The following RBFOX3 variants were observed in gnomAD, a reference collection of about 807,000 sequenced individuals.
RBFOX3 encodes the protein RNA binding fox-1 homolog 3, also known as RNA binding protein fox-1 homolog 3.
RBFOX3 carries 17 observed loss-of-function variants against 48.7 expected under a neutral mutation model. That is an observed-to-expected ratio of 0.35 (90% confidence interval 0.24 to 0.52). RBFOX3 has a LOEUF of 0.52. Among genes scored for constraint, RBFOX3 ranks in the 20% least tolerant of loss-of-function variants. RBFOX3 has a pLI of 0.94. For synonymous variants in RBFOX3, 212 were observed against 209.5 expected, an observed-to-expected ratio of 1.01 and a Z score of -0.10; for missense variants, 382 against 497.5, an observed-to-expected ratio of 0.77 and a Z score of 2.21.
intron 4 of RBFOX3, among the ~76,000 whole-genome samples, chr17:79,228,931 C>G (rs772323524): frequency 2.0e-5 from 3 of 152,094 alleles, no homozygotes; most frequent in Non-Finnish European, 2.9e-5. Flanking sequence ...AATGTTCTCT[C>G]AAAGGACAGG....
At chr17:79,505,999 C>T (rs814739) in intron 1 of RBFOX3, among the ~76,000 whole-genome samples, 111,096 of 152,144 alleles carry the variant, frequency 0.73, 40,703 homozygotes, top group Middle Eastern at 0.79. Flanking sequence ...CAAGCCTGGA[C>T]GCCTCCCCCT....
At chr17:79,431,956 A>G (rs923516019) in intron 2 of RBFOX3, among the ~76,000 whole-genome samples, 2 of 152,112 alleles carry the variant, frequency 1.3e-5, no homozygotes, top group Admixed American at 6.5e-5. Context: ...TAACTCCCCA[A>G]TCATTCTCTC....
chr17:79,117,358 G>A (rs975408920), intron 4 of RBFOX3, among the ~76,000 whole-genome samples: 5 of 152,164 alleles, frequency 3.3e-5, no homozygotes, highest in African/African-American at 7.2e-5. Context: ...GAGGAGGAGC[G>A]CCCAGCAGGG....
chr17:79,224,786 C>T (rs1461984585), intron 4 of RBFOX3, among the ~76,000 whole-genome samples: 1 of 152,206 alleles, frequency 6.6e-6, no homozygotes, highest in Admixed American at 6.5e-5. Context: ...TGATCAGTGA[C>T]AGCCCCTGAG....
chr17:79,407,160 G>A (rs1019137496), intron 2 of RBFOX3, among the ~76,000 whole-genome samples: 3 of 152,146 alleles, frequency 2.0e-5, no homozygotes, highest in African/African-American at 7.2e-5. Context: ...GGCACCCGCC[G>A]CCATGCCCGG....
At chr17:79,393,165 A>AT (rs2148237842) in intron 2 of RBFOX3, among the ~76,000 whole-genome samples, 1 of 152,300 alleles carries the variant, frequency 6.6e-6, no homozygotes, top group South Asian at 2.1e-4. Flanking sequence ...GTGCAAAGGC[A>AT]TTTTTTCTCA....
chr17:79,603,925 TCCGGCCTCAGGCTGTC>T (rs1418249147), intron 1 of RBFOX3: 2 of 152,308 alleles, frequency 1.3e-5, no homozygotes, highest in African/African-American at 4.8e-5. Context: ...AGAGGTCAGC[TCCGGCCTCAGGCTGTC>T]CCTGCACAGA....
At chr17:79,456,746 A>T (rs1360620654) in intron 2 of RBFOX3, among the ~76,000 whole-genome samples, 1 of 151,834 alleles carries the variant, frequency 6.6e-6, no homozygotes, top group Non-Finnish European at 1.5e-5. Flanking sequence ...GGCCCTTCAG[A>T]GCCTGCCTCT....
the RBFOX3 span, among the ~76,000 whole-genome samples, chr17:79,620,047 G>C: frequency 8.2e-6 from 1 of 121,744 alleles, no homozygotes; most frequent in African/African-American, 3.2e-5. Flanking sequence ...ATGCACACAC[G>C]CACATGCACA....
At chr17:79,580,834 G>T (rs1396772004) in intron 1 of RBFOX3, among the ~76,000 whole-genome samples, 1 of 152,164 alleles carries the variant, frequency 6.6e-6, no homozygotes, top group African/African-American at 2.4e-5. Flanking sequence ...TTGGTCATTG[G>T]CCAAAGAAAG....
rs1044109025 is a variant in RBFOX3 at position 79,110,943 on chromosome 17, C to T, written c.223-4155G>A. On this transcript the variant is annotated intron_variant, in intron 5 of 14. Coordinates refer to ENST00000693108, the MANE Select transcript of RBFOX3 (RefSeq NM_001350451.2). Reference sequence around the variant, plus strand: ...CCCTTCTCAGGCCAGTGGCCAGCCACGGCCTACCCCTCACCCCTTCCATAA... The same window carrying T: ...CCCTTCTCAGGCCAGTGGCCAGCCATGGCCTACCCCTCACCCCTTCCATAA... Among the ~76,000 whole-genome samples the T allele has an allele frequency of 5.3e-5, 8 of 152,116 alleles. No individual in the cohort carries two copies. The South Asian group carries it at 1.0e-3, about 20-fold the overall frequency.
rs189521034 is a variant in RBFOX3, at chr17:79,418,459, C to T, written c.-175+63995G>A. ...ATAAAGAAGGATTCACACCGTGCCA[C>T]GCGAGAAAGCCGTGTGTGTCAGCCA... On this transcript the variant is annotated intron_variant, in intron 2 of 14. Coordinates refer to ENST00000693108, the MANE Select transcript of RBFOX3 (RefSeq NM_001350451.2). This position sits in a 1 kb window ranked among gnomAD's most constrained non-coding sequence, Gnocchi z 5.0. Among the ~76,000 whole-genome samples the T allele has an allele frequency of 1.3e-5, 2 of 152,336 alleles. No individual in the cohort carries two copies. The highest frequency in any genetic ancestry group is 3.9e-4 in the East Asian group (2 of 5,184).
chr17:79,620,145 A>G, the RBFOX3 span, among the ~76,000 whole-genome samples: 5 of 132,578 alleles, frequency 3.8e-5, no homozygotes, highest in Admixed American at 7.7e-5. Context: ...ACACGCGCAC[A>G]CACATGCACG....
At chr17:79,207,197 G>A (rs1202318869) in intron 4 of RBFOX3, among the ~76,000 whole-genome samples, 1 of 152,260 alleles carries the variant, frequency 6.6e-6, no homozygotes, top group Non-Finnish European at 1.5e-5. Context: ...TCAGAAAACA[G>A]AGGAAAGTAT....
At chr17:79,612,479 C>G (rs1214931823), upstream of RBFOX3, among the ~76,000 whole-genome samples, 4 of 152,096 alleles carry the variant, frequency 2.6e-5, no homozygotes, top group African/African-American at 2.4e-5. Flanking sequence ...TGGCTGCCCC[C>G]CCTGCAGGGC....
In RBFOX3 at chr17:79,249,578, C is replaced by T. The variant is rs9916701; in HGVS notation, c.-73-13773G>A. 6.6e-6 allele frequency among the ~76,000 whole-genome samples: 1 copy of T among 151,964 alleles called. No individual in the cohort carries two copies. Among genetic ancestry groups the T allele is most frequent in the Non-Finnish European group, 1.5e-5 (1 of 68,002 alleles). ...GTCCCATGCTCCCGGAGACTGTTTACCTGTCCTAATCACCCCAGAGCCAGG... is the reference window on the plus strand; with the variant it reads ...GTCCCATGCTCCCGGAGACTGTTTATCTGTCCTAATCACCCCAGAGCCAGG... On this transcript the variant is annotated intron_variant, in intron 3 of 14. Coordinates refer to ENST00000693108, the MANE Select transcript of RBFOX3 (RefSeq NM_001350451.2). The surrounding 1 kb of genome is among the most constrained non-coding windows in gnomAD (Gnocchi z 4.1).
In RBFOX3 at chr17:79,364,080, C is replaced by A. The variant is rs745720453; in HGVS notation, c.-174-56256G>T. On this transcript the variant is annotated intron_variant, in intron 2 of 14. Coordinates refer to ENST00000693108, the MANE Select transcript of RBFOX3 (RefSeq NM_001350451.2). The surrounding 1 kb of genome is among the most constrained non-coding windows in gnomAD (Gnocchi z 5.1). ...CCTACAGGAAACAGCCACCAGCCAC[C>A]CACCCCATGGATTTTCGGGACAGCA... 2.4e-4 allele frequency among the ~76,000 whole-genome samples: 36 copies of A among 152,202 alleles called. No individual in the cohort carries two copies. Among genetic ancestry groups the A allele is most frequent in the Non-Finnish European group, 4.6e-4 (31 of 68,034 alleles).
Position 79,094,549 on chromosome 17 carries a change from G to C in RBFOX3, c.999-20C>G, listed in dbSNP as rs1430763047. On this transcript the variant is annotated intron_variant, in intron 13 of 14. Coordinates refer to ENST00000693108, the MANE Select transcript of RBFOX3 (RefSeq NM_001350451.2). ...CCGTAACTAGGGAAGAGCGTGGGAG[G>C]GGGAGTGGGAGGAGGGTGGGGGAGG... 3.6e-5 allele frequency: 38 copies of C among 1,049,664 alleles called. No individual in the cohort carries two copies. In the East Asian group the frequency reaches 1.3e-3, roughly 35 times the overall value. The allele number at this position is 1,049,664 out of a possible 1,614,324, so 65.0% of individuals were successfully genotyped here.
At position 79,513,765 on chromosome 17, in the gene RBFOX3, C is replaced by T. The variant is rs961702158; in HGVS notation, c.-319-31167G>A. ...TCAGTGAGGCGGTACAGGCGCTGGGCACTTCACACAGCCTCCTGGGGCCAG... is the reference window on the plus strand; with the variant it reads ...TCAGTGAGGCGGTACAGGCGCTGGGTACTTCACACAGCCTCCTGGGGCCAG... On this transcript the variant is annotated intron_variant, in intron 1 of 14. Transcript: ENST00000693108. Among the ~76,000 whole-genome samples the T allele has an allele frequency of 9.2e-5, 14 of 152,218 alleles. 1 individual carries two copies. Among genetic ancestry groups the T allele is most frequent in the African/African-American group, 2.4e-4 (10 of 41,454 alleles).
Sources: allele counts gnomAD v4.1 joint callset (sites outside exome capture counted in the v4.1 genomes callset), GRCh38; gene constraint gnomAD v4.1.1; non-coding constraint Gnocchi (gnomAD v3.1); transcripts MANE v1.5; gene names NCBI Gene and HGNC (gene_info 2026-07-23, HGNC 2026-07-21).